The following NISCH variants were observed in gnomAD, a reference collection of about 807,000 sequenced individuals.
The protein encoded by NISCH is nischarin.
In NISCH, 55 loss-of-function variants were observed where a neutral mutation model predicts 138.4. The ratio of observed to expected loss-of-function variants is 0.40; its 90% CI spans 0.32 to 0.50. NISCH has a LOEUF of 0.50. NISCH is among the 20% of genes least tolerant of loss of function. The pLI is 0.71. For synonymous variants in NISCH, 860 were observed against 861.5 expected (o/e 1.00, Z 0.03); for missense variants, 1,643 against 2,005.5 (o/e 0.82, Z 3.45).
At chr3:52,468,462 A>G (rs1264012114) in intron 3 of NISCH, among the ~76,000 whole-genome samples, 2 of 152,142 alleles carry the variant, frequency 1.3e-5, no homozygotes, top group African/African-American at 2.4e-5. Context: ...CGAAGTACAG[A>G]TCTGTAGACG....
chr3:52,470,840 A>G lies in NISCH; in HGVS notation c.361-19A>G, dbSNP rs1268122005. ...GGGTCAGGTGGACTTTCTAAGGGCA[A>G]ATTTTGTGTTCTCTGCAGGAGATAA... On this transcript the variant is annotated intron_variant, in intron 3 of 20. Coordinates refer to ENST00000345716, the MANE Select transcript of NISCH (RefSeq NM_007184.4). 15 of 1,613,796 alleles carry G rather than the reference A, an allele frequency of 9.3e-6. No homozygotes were observed. Among genetic ancestry groups the G allele is most frequent in the Non-Finnish European group, 1.2e-5 (14 of 1,179,926 alleles).
At chr3:52,464,806 G>A (rs1016087838) in intron 3 of NISCH, among the ~76,000 whole-genome samples, 2 of 151,006 alleles carry the variant, frequency 1.3e-5, no homozygotes, top group Admixed American at 1.3e-4. Context: ...ATTACAGCCT[G>A]AGCCACCACA....
In NISCH at chr3:52,488,337, T is replaced by C. The variant is rs1389391819; in HGVS notation, c.2845T>C (p.Ser949Pro). ...NSFKLSRVPL[S>P]TVLLDPTRSC... ...CTTCAAGCTCAGCCGTGTGCCGCTC[T>C]CCACCGTGCTGCTGGACCCCACACG... The change falls in exon 16 of 21, where the codon TCC becomes CCC. Residue 949 changes from serine (S) to proline (P), a missense_variant. Physicochemically the swap from Ser to Pro is moderately conservative, Grantham distance 74. Transcript: ENST00000345716. 6.2e-7 allele frequency: 1 copy of C among 1,613,204 alleles called. No homozygotes were observed. The highest frequency in any genetic ancestry group is 8.5e-7 in the Non-Finnish European group (1 of 1,180,004).
intron 3 of NISCH, among the ~76,000 whole-genome samples, chr3:52,467,985 C>T (rs1178593679): frequency 6.6e-6 from 1 of 152,172 alleles, no homozygotes; most frequent in Non-Finnish European, 1.5e-5. Flanking sequence ...ATTGGCCGAG[C>T]GTGGTGGCTC....
At position 52,478,562 on chromosome 3, in the gene NISCH, A is replaced by G; in HGVS notation, c.1287A>G (p.Gly429=). The change falls in exon 11 of 21, where the codon GGA becomes GGG. Residue 429 remains glycine (G), a synonymous_variant. Transcript: ENST00000345716. ...GGACCAAGGTGCTGGCTCAGTTCGGAGAGAGGGCCTCAGAGGTGAGCCCCA... is the reference window on the plus strand; with the variant it reads ...GGACCAAGGTGCTGGCTCAGTTCGGGGAGAGGGCCTCAGAGGTGAGCCCCA... ...DYRTKVLAQF[G]ERASEVCLDD... is the part of the protein sequence containing the mutation. 6.2e-7 allele frequency: 1 copy of G among 1,614,104 alleles called. No homozygotes were observed. The highest frequency in any genetic ancestry group is 8.5e-7 in the Non-Finnish European group (1 of 1,180,006).
Position 52,487,920 on chromosome 3 carries a change from T to C in NISCH, c.2428T>C (p.Cys810Arg), listed in dbSNP as rs1007762135. ...LHEFHADLRS[C>R]FAPQHMAMLC... is the part of the protein sequence containing the mutation. Reference sequence around the variant, plus strand: ...CGAGTTCCACGCGGACCTGCGCTCATGCTTTGCACCCCAGCACATGGCCAT... The same window carrying C: ...CGAGTTCCACGCGGACCTGCGCTCACGCTTTGCACCCCAGCACATGGCCAT... Residue 810 changes from cysteine (C) to arginine (R), a missense_variant, in exon 16 of 21, where the codon TGC becomes CGC. Cys to Arg is a radical substitution (Grantham distance 180, BLOSUM62 -3). Transcript: ENST00000345716. The surrounding 1 kb of genome is among the most constrained non-coding windows in gnomAD (Gnocchi z 9.1). The C allele has an allele frequency of 3.1e-6, 5 of 1,611,820 alleles. No homozygotes were observed. The highest frequency in any genetic ancestry group is 4.2e-6 in the Non-Finnish European group (5 of 1,179,964).
At chr3:52,491,287 C>G (rs1478658693) in intron 19 of NISCH, 65 bp from the exon 20 acceptor site, 5 of 1,548,324 alleles carry the variant, frequency 3.2e-6, no homozygotes, top group African/African-American at 2.7e-5. Context: ...CGGGGTGGCT[C>G]TAAGGGGCAG....
At chr3:52,482,293 TG>T (rs1454284166) in intron 13 of NISCH, among the ~76,000 whole-genome samples, 1 of 152,184 alleles carries the variant, frequency 6.6e-6, no homozygotes, top group African/African-American at 2.4e-5. Flanking sequence ...GCGAAGGAAC[TG>T]GCACTCGGGC....
intron 15 of NISCH, chr3:52,486,685 A>T (rs563150474): frequency 6.4e-6 from 1 of 155,334 alleles, no homozygotes; most frequent in African/African-American, 2.4e-5. Flanking sequence ...CAAAATGTGT[A>T]CTCTGACCCT....
chr3:52,479,209 A>G (rs927662728), intron 11 of NISCH, among the ~76,000 whole-genome samples: 2 of 151,986 alleles, frequency 1.3e-5, no homozygotes, highest in African/African-American at 4.8e-5. Flanking sequence ...ACAGAGTGTC[A>G]GCTCCTGTCC....
Position 52,487,364 on chromosome 3 carries a change from T to C in NISCH, c.1872T>C (p.Ala624=), listed in dbSNP as rs61737029. The C allele has an allele frequency of 5.2e-3, 8,342 of 1,614,004 alleles. 41 individuals are homozygous for C. The highest frequency in any genetic ancestry group is 0.015 in the South Asian group (1,342 of 91,076). The part of the protein sequence containing the change: ...IERQLPAWIE[A]ANQREEGQGE... The stretch of plus-strand genomic sequence containing the variant: ...GGCAGCTGCCTGCCTGGATCGAGGC[T>C]GCCAACCAGCGGGAGGAGGGCCAGG... Residue 624 remains alanine (A), a synonymous_variant, in exon 16 of 21, where the codon GCT becomes GCC. Transcript: ENST00000345716. This position sits in a 1 kb window ranked among gnomAD's most constrained non-coding sequence, Gnocchi z 9.1.
chr3:52,456,725 G>A (rs539163389), intron 1 of NISCH, among the ~76,000 whole-genome samples: 1 of 152,342 alleles, frequency 6.6e-6, no homozygotes, highest in South Asian at 2.1e-4. Context: ...CAGGCAGGAT[G>A]GGAAGAGGAG....
rs199861420 is a variant in NISCH, at chr3:52,491,892, C to T, written c.3925C>T (p.Leu1309=). ...TGCAGGGAAGATGGAGAACTACGAG[C>T]TGATCCACTCTAGTCGCGTCAAGTT... ...KTTGKMENYE[L]IHSSRVKFTY... Residue 1309 remains leucine, a synonymous_variant, in exon 21 of 21, where the codon CTG becomes TTG. Transcript: ENST00000345716. 3.1e-5 allele frequency: 50 copies of T among 1,600,308 alleles called. No individual in the cohort carries two copies. Among genetic ancestry groups the T allele is most frequent in the Non-Finnish European group, 3.8e-5 (44 of 1,171,024 alleles).
chr3:52,489,501 A>C lies in NISCH; in HGVS notation c.3279A>C (p.Glu1093Asp). 6.2e-7 allele frequency: 1 copy of C among 1,611,360 alleles called. No homozygotes were observed. The highest frequency in any genetic ancestry group is 8.5e-7 in the Non-Finnish European group (1 of 1,178,326). ...TGGTCCCAGAGGAGACGCCAGTGGAAGCTCCAGCCCCACCCCCAGCCGAGG... is the reference window on the plus strand; with the variant it reads ...TGGTCCCAGAGGAGACGCCAGTGGACGCTCCAGCCCCACCCCCAGCCGAGG... ...SALVPEETPV[E>D]APAPPPAEAP... The change falls in exon 17 of 21, where the codon GAA becomes GAC. Residue 1093 changes from glutamate (E) to aspartate (D), a missense_variant. Physicochemically the swap from Glu to Asp is conservative, Grantham distance 45 (BLOSUM62 2). Transcript: ENST00000345716.
chr3:52,462,613 C>G (rs570590021), intron 3 of NISCH, among the ~76,000 whole-genome samples: 2 of 152,244 alleles, frequency 1.3e-5, no homozygotes, highest in South Asian at 2.1e-4. Flanking sequence ...CCAGGGAACC[C>G]TATTTGGCTA....
At chr3:52,475,549 CGGTT>C (rs1188343081) in intron 7 of NISCH, 1 of 152,096 alleles carries the variant, frequency 6.6e-6, no homozygotes, top group Non-Finnish European at 1.5e-5. Flanking sequence ...CTAGAAAAGA[CGGTT>C]GGCTGGCCAG....
At chr3:52,457,394 G>A (rs1455747645) in intron 1 of NISCH, among the ~76,000 whole-genome samples, 2 of 152,216 alleles carry the variant, frequency 1.3e-5, no homozygotes, top group African/African-American at 2.4e-5. Context: ...GGTAGTCAGG[G>A]CACCTGGAAA....
chr3:52,481,036 T>C (rs1707256835), intron 13 of NISCH: 1 of 1,374,726 alleles, frequency 7.3e-7, no homozygotes, highest in Non-Finnish European at 9.4e-7. Context: ...ACGCAGAACT[T>C]GGTGTGAGGT....
chr3:52,463,714 CTTTTTT>C (rs71084184), intron 3 of NISCH, among the ~76,000 whole-genome samples: 4 of 41,404 alleles, frequency 9.7e-5, no homozygotes, highest in Admixed American at 4.1e-4. Context: ...TATTGAACCT[CTTTTTT>C]TTTTTTTTTT....
Sources: allele counts gnomAD v4.1 joint callset (sites outside exome capture counted in the v4.1 genomes callset), GRCh38; gene constraint gnomAD v4.1.1; non-coding constraint Gnocchi (gnomAD v3.1); transcripts MANE v1.5; gene names NCBI Gene and HGNC (gene_info 2026-07-23, HGNC 2026-07-21).